Variants in KAT7 observed in about 807,000 individuals in gnomAD.
KAT7 encodes the protein histone acetyltransferase KAT7.
KAT7 carries 10 observed loss-of-function variants against 82.1 expected under a neutral mutation model. The ratio of observed to expected loss-of-function variants is 0.12; its 90% CI spans 0.08 to 0.21. The LOEUF (loss-of-function observed/expected upper bound fraction) is 0.21. Among genes scored for constraint, KAT7 ranks in the 10% least tolerant of loss-of-function variants. KAT7 has a pLI of 1.00. For synonymous variants in KAT7, 250 were observed against 262.5 expected (o/e 0.95, Z 0.46); for missense variants, 378 against 760.9 (o/e 0.50, Z 5.92).
chr17:49,810,534 A>C (rs1279869167), intron 6 of KAT7, among the ~76,000 whole-genome samples: 2 of 152,174 alleles, frequency 1.3e-5, no homozygotes, highest in East Asian at 3.8e-4. Context: ...TGGGATTATA[A>C]GCATGAGCCA....
rs1282073273 is a variant in KAT7, at chr17:49,831,816, ACG to A, written c.*4316_*4317del. 1 of 139,150 alleles carries A rather than the reference ACG, an allele frequency of 7.2e-6. No individual in the cohort carries two copies. The highest frequency in any genetic ancestry group is 2.2e-4 in the East Asian group (1 of 4,642). 8.6% of individuals were successfully genotyped at this position (139,150 alleles called of 1,614,324 possible). On this transcript the variant is annotated 3_prime_UTR_variant, in exon 15 of 15. Coordinates refer to ENST00000259021, the MANE Select transcript of KAT7 (RefSeq NM_007067.5). ...GCTGGGACTACAGGTGCCCACCACC[ACG>A]CCCAGCTAATTTTTTGTATTTTTAG... is the stretch of plus-strand genomic sequence containing the variant.
At chr17:49,808,649 A>G (rs966648782) in intron 5 of KAT7, among the ~76,000 whole-genome samples, 1 of 151,662 alleles carries the variant, frequency 6.6e-6, no homozygotes, top group Non-Finnish European at 1.5e-5. Context: ...ACGGGGTTTC[A>G]CCATGTTGGC....
In KAT7 at chr17:49,831,381, T is replaced by C. The variant is rs2074423654; in HGVS notation, c.*3879T>C. ...GCAAAAGATGTGCCTCATTCTGGCA[T>C]TGTTTCTGATTTAGGAATAAACTGT... On this transcript the variant is annotated 3_prime_UTR_variant, in exon 15 of 15. Transcript: ENST00000259021. 6.6e-6 allele frequency: 1 copy of C among 152,220 alleles called. No individual in the cohort carries two copies. Among genetic ancestry groups the C allele is most frequent in the Non-Finnish European group, 1.5e-5 (1 of 68,034 alleles). The allele number at this position is 152,220 out of a possible 1,614,324, so 9.4% of individuals were successfully genotyped here.
chr17:49,792,575 G>A (rs1440065903), intron 2 of KAT7, among the ~76,000 whole-genome samples: 8 of 152,096 alleles, frequency 5.3e-5, no homozygotes, highest in African/African-American at 1.7e-4. Flanking sequence ...GTGGCAATGA[G>A]CCATAATAAC....
rs536068546 is a variant in KAT7, at chr17:49,821,971, A to G, written c.1386+181A>G. Among the ~76,000 whole-genome samples, 29 of 151,958 alleles carry G rather than the reference A, an allele frequency of 1.9e-4. 1 individual carries two copies. Among genetic ancestry groups the G allele is most frequent in the Admixed American group, 1.3e-3 (20 of 15,270 alleles). ...ATCAAAGATTGTTTAATGAAAATGC[A>G]GTTTTTATTAAAAGCTTCTGGTTCA... On this transcript the variant is annotated intron_variant, in intron 11 of 14. Transcript: ENST00000259021.
Position 49,791,877 on chromosome 17 carries a change from G to A in KAT7, c.16-9G>A. The A allele has an allele frequency of 1.9e-6, 3 of 1,613,606 alleles. No individual in the cohort carries two copies. Among genetic ancestry groups the A allele is most frequent in the Non-Finnish European group, 2.5e-6 (3 of 1,179,580 alleles). On this transcript the variant is annotated splice_polypyrimidine_tract_variant and intron_variant, in intron 1 of 14. Transcript: ENST00000259021. ...TTCTGTGCTAATATCTGGATCTATGGTATTACAGAGGAATGCAGGCAGTAG... is the reference window on the plus strand; with the variant it reads ...TTCTGTGCTAATATCTGGATCTATGATATTACAGAGGAATGCAGGCAGTAG...
At chr17:49,814,520 A>G (rs775406832) in intron 7 of KAT7, among the ~76,000 whole-genome samples, 6 of 152,228 alleles carry the variant, frequency 3.9e-5, no homozygotes, top group Non-Finnish European at 5.9e-5. Flanking sequence ...GATATTTCCC[A>G]TATTTTATAT....
intron 7 of KAT7, chr17:49,815,352 T>TA (rs2074221262): frequency 6.6e-6 from 1 of 152,578 alleles, no homozygotes; most frequent in Non-Finnish European, 1.5e-5. Context: ...TCTAAAATCT[T>TA]AGACACTAAG....
At chr17:49,803,024 C>G (rs944251802) in intron 4 of KAT7, among the ~76,000 whole-genome samples, 1 of 151,982 alleles carries the variant, frequency 6.6e-6, no homozygotes, top group African/African-American at 2.4e-5. Flanking sequence ...GCCACTGAGC[C>G]CAGCTGATGC....
In KAT7 at chr17:49,817,987, C is replaced by T. The variant is rs772074802; in HGVS notation, c.1131C>T (p.Ser377=). Residue 377 remains serine (S), a synonymous_variant, in exon 9 of 15, where the codon AGC becomes AGT. Transcript: ENST00000259021. ...AATTCTGTTTAAAATATATGAAGAG[C>T]CAAACGATACTCCGCCGGCACATGG... is the stretch of plus-strand genomic sequence containing the variant. ...MCEFCLKYMK[S]QTILRRHMAK... 1 of 1,613,686 alleles carries T rather than the reference C, an allele frequency of 6.2e-7. No homozygotes were observed. Among genetic ancestry groups the T allele is most frequent in the East Asian group, 2.2e-5 (1 of 44,882 alleles).
At chr17:49,792,527 T>C (rs2073903544) in intron 2 of KAT7, among the ~76,000 whole-genome samples, 2 of 152,082 alleles carry the variant, frequency 1.3e-5, no homozygotes. Context: ...CCTGGGCCAG[T>C]GATATGTGGG....
rs529626004 is a variant in KAT7 at position 49,834,780 on chromosome 17, G to C, written c.*7278G>C. ...CAAAGTTAGTATCAGGCCAGGCATGGTGGGAGGATCACTTGAGCCCAGGAG... is the reference window on the plus strand; with the variant it reads ...CAAAGTTAGTATCAGGCCAGGCATGCTGGGAGGATCACTTGAGCCCAGGAG... On this transcript the variant is annotated 3_prime_UTR_variant, in exon 15 of 15. Coordinates refer to ENST00000259021, the MANE Select transcript of KAT7 (RefSeq NM_007067.5). 1 of 152,324 alleles carries C rather than the reference G, an allele frequency of 6.6e-6. No homozygotes were observed. The highest frequency in any genetic ancestry group is 6.5e-5 in the Admixed American group (1 of 15,298). The allele number at this position is 152,324 out of a possible 1,614,324, so 9.4% of individuals were successfully genotyped here. A position where few individuals can be genotyped will look rare whatever the true frequency, so the allele number is the denominator to read the frequency against.
intron 2 of KAT7, 134 bp downstream of exon 2, chr17:49,792,167 T>C: frequency 2.4e-6 from 2 of 832,890 alleles, no homozygotes; most frequent in Non-Finnish European, 3.7e-6. Flanking sequence ...ATTGGTAAAA[T>C]GTAGAGTGAA....
At chr17:49,823,350 G>T in intron 12 of KAT7, 55 bp downstream of exon 12, 2 of 982,772 alleles carry the variant, frequency 2.0e-6, no homozygotes, top group Middle Eastern at 2.1e-4. Flanking sequence ...TGTGAATATT[G>T]TTTGTCTTTT....
Position 49,805,455 on chromosome 17 carries a change from C to T in KAT7, c.663+10C>T. 6.3e-7 allele frequency: 1 copy of T among 1,593,868 alleles called. No individual in the cohort carries two copies. Among genetic ancestry groups the T allele is most frequent in the Non-Finnish European group, 8.6e-7 (1 of 1,161,960 alleles). On this transcript the variant is annotated intron_variant, in intron 5 of 14. Transcript: ENST00000259021. ...AGCTGACGAATGCAAGGTAATTGTG[C>T]TCTCATTTATTCAACACATGCTTAT...
intron 2 of KAT7, among the ~76,000 whole-genome samples, chr17:49,793,274 CTT>C (rs2073913097): frequency 6.6e-6 from 1 of 152,156 alleles, no homozygotes; most frequent in African/African-American, 2.4e-5. Context: ...CCAATAAACA[CTT>C]GATAGATATT....
In KAT7 at chr17:49,817,937, C is replaced by A; in HGVS notation, c.1081C>A (p.Arg361=). Reference sequence around the variant, plus strand: ...TTCTCCATATCCTGAAGAATATGCACGGCTGGGACGTCTCTATATGTGTGA... The same window carrying A: ...TTCTCCATATCCTGAAGAATATGCAAGGCTGGGACGTCTCTATATGTGTGA... ...YHSPYPEEYA[R]LGRLYMCEFC... Residue 361 remains arginine (R), a synonymous_variant, in exon 9 of 15, where the codon CGG becomes AGG. Coordinates refer to ENST00000259021, the MANE Select transcript of KAT7 (RefSeq NM_007067.5). 1 of 1,613,180 alleles carries A rather than the reference C, an allele frequency of 6.2e-7. No homozygotes were observed. Among genetic ancestry groups the A allele is most frequent in the South Asian group, 1.1e-5 (1 of 91,058 alleles).
chr17:49,815,613 G>T (rs2074224386), intron 7 of KAT7, 190 bp from the exon 8 acceptor site: 2 of 444,532 alleles, frequency 4.5e-6, no homozygotes, highest in Non-Finnish European at 8.0e-6. Context: ...AATCACTGGG[G>T]TGGGTAGTGG....
rs2073896562 is a variant in KAT7, at chr17:49,792,043, C to T, written c.163+10C>T. On this transcript the variant is annotated intron_variant, in intron 2 of 14. Transcript: ENST00000259021. ...AGCCAGAGTTCTCAAGGTAAAAAAA[C>T]CTTCATTTTTCCTTACCACTCCTCA... 6.2e-7 allele frequency: 1 copy of T among 1,612,430 alleles called. No individual in the cohort carries two copies. The highest frequency in any genetic ancestry group is 8.5e-7 in the Non-Finnish European group (1 of 1,179,074).
Sources: allele counts gnomAD v4.1 joint callset (sites outside exome capture counted in the v4.1 genomes callset), GRCh38; gene constraint gnomAD v4.1.1; transcripts MANE v1.5; gene names NCBI Gene and HGNC (gene_info 2026-07-23, HGNC 2026-07-21).